PKP3: variants seen among roughly 807,000 people sequenced by gnomAD.
PKP3 encodes plakophilin-3.
In PKP3, 66 loss-of-function variants were observed where a neutral mutation model predicts 76.5. The observed-to-expected ratio is 0.86, with a 90% CI of 0.71 to 1.06. The LOEUF (loss-of-function observed/expected upper bound fraction) is 1.06, where lower values mean the gene tolerates loss of function less well. Ranked by LOEUF, PKP3 falls within the 50% of genes least tolerant of loss-of-function variation. The probability of loss-of-function intolerance (pLI) is 0.00; values close to 1 mark genes in which losing one functional copy is unlikely to be tolerated. For synonymous variants in PKP3, 638 were observed against 516.5 expected (o/e 1.24, Z -3.19); for missense variants, 1,338 against 1,141.0 (o/e 1.17, Z -2.49).
At position 397,235 on chromosome 11, in the gene PKP3, C is replaced by A. The variant is rs1384663499; in HGVS notation, c.734C>A (p.Ala245Asp). Reference protein sequence around the residue: ...TEVSPSRTIRAPAVRTLQRFQ... With the variant: ...TEVSPSRTIRDPAVRTLQRFQ... ...GTTTCCCCGAGCCGGACCATCCGTGCCCCTGCCGTGCGGACCCTGCAGCGA... is the reference window on the plus strand; with the variant it reads ...GTTTCCCCGAGCCGGACCATCCGTGACCCTGCCGTGCGGACCCTGCAGCGA... The change falls in exon 3 of 13, where the codon GCC (alanine) becomes GAC (aspartate). Residue 245 changes from alanine (A) to aspartate (D), a missense_variant. Transcript: ENST00000331563. 1 of 1,599,626 alleles carries A rather than the reference C, an allele frequency of 6.3e-7. No homozygotes were observed. The highest frequency in any genetic ancestry group is 8.5e-7 in the Non-Finnish European group (1 of 1,178,796).
chr11:403,314 A>AG (rs1847189259), intron 9 of PKP3, 51 bp downstream of exon 9: 15 of 1,090,902 alleles, frequency 1.4e-5, no homozygotes, highest in Admixed American at 5.1e-5. Flanking sequence ...CATGCGGTTG[A>AG]GGGGGGGACA....
chr11:403,067 G>T lies in PKP3; in HGVS notation c.1738-11G>T. 1 of 1,299,114 alleles carries T rather than the reference G, an allele frequency of 7.7e-7. No homozygotes were observed. The highest frequency in any genetic ancestry group is 9.9e-7 in the Non-Finnish European group (1 of 1,008,484). 80.5% of individuals were successfully genotyped at this position (1,299,114 alleles called of 1,614,324 possible). A position where few individuals can be genotyped will look rare whatever the true frequency, so the allele number is the denominator to read the frequency against. ...ACCCCGACCCCGCCGACTCCTCCCCGCCCTGCGCAGCTGCCCCTCGCCGCC... is the reference window on the plus strand; with the variant it reads ...ACCCCGACCCCGCCGACTCCTCCCCTCCCTGCGCAGCTGCCCCTCGCCGCC... On this transcript the variant is annotated splice_polypyrimidine_tract_variant and intron_variant, in intron 8 of 12. Transcript: ENST00000331563.
chr11:403,572 G>C (rs1847195055), intron 9 of PKP3, 46 bp from the exon 10 acceptor site: 1 of 1,573,216 alleles, frequency 6.4e-7, no homozygotes, highest in Non-Finnish European at 8.6e-7. Context: ...CCTCAGGTGA[G>C]GGTCTGAGGC....
Position 400,618 on chromosome 11 carries a change from G to A in PKP3, c.1650G>A (p.Leu550=). The A allele has an allele frequency of 2.1e-6, 3 of 1,429,028 alleles. No homozygotes were observed. The highest frequency in any genetic ancestry group is 2.7e-6 in the Non-Finnish European group (3 of 1,100,458). The allele number at this position is 1,429,028 out of a possible 1,614,324, so 88.5% of individuals were successfully genotyped here. A position where few individuals can be genotyped will look rare whatever the true frequency, so the allele number is the denominator to read the frequency against. The change falls in exon 8 of 13, where the codon CTG becomes CTA. Residue 550 remains leucine, a synonymous_variant. Transcript: ENST00000331563. ...TGCCGCCGTCCGCGCTGCAGCGGCT[G>A]GAGGGTCGCGGCCGCAGGGACCTGG... ...DEMPPSALQR[L]EGRGRRDLAG... is the part of the protein sequence containing the mutation.
chr11:399,589 T>A (rs1482779565), intron 5 of PKP3, among the ~76,000 whole-genome samples: 1 of 117,606 alleles, frequency 8.5e-6, no homozygotes, highest in Non-Finnish European at 1.7e-5. Flanking sequence ...CTGTCCTCTC[T>A]CCTCCGTTCT....
upstream of PKP3, chr11:393,995 G>T: frequency 2.7e-6 from 1 of 370,790 alleles, no homozygotes; most frequent in Non-Finnish European, 4.9e-6. Flanking sequence ...CCAGGTCCCC[G>T]TGGCCCTGTT....
At chr11:398,185 C>A (rs1399612091) in intron 4 of PKP3, among the ~76,000 whole-genome samples, 5 of 84,026 alleles carry the variant, frequency 6.0e-5, no homozygotes, top group Non-Finnish European at 1.2e-4. Flanking sequence ...CCTCCCTACC[C>A]CCACATATAC....
At position 394,223 on chromosome 11, in the gene PKP3, G is replaced by C; in HGVS notation, c.-70G>C. ...GCGGGGACTTCAGGGAGAGGGCCTC[G>C]AGGGACAGGACGTGAAGATAGTTGG... On this transcript the variant is annotated 5_prime_UTR_variant, in exon 1 of 13. Coordinates refer to ENST00000331563, the MANE Select transcript of PKP3 (RefSeq NM_007183.4). 7.1e-7 allele frequency: 1 copy of C among 1,410,990 alleles called. No individual in the cohort carries two copies. Among genetic ancestry groups the C allele is most frequent in the South Asian group, 1.5e-5 (1 of 67,488 alleles). The allele number at this position is 1,410,990 out of a possible 1,614,324, so 87.4% of individuals were successfully genotyped here.
intron 4 of PKP3, 102 bp downstream of exon 4, chr11:397,764 C>A: frequency 1.7e-6 from 2 of 1,211,622 alleles, no homozygotes; most frequent in Non-Finnish European, 2.3e-6. Context: ...TCATGATCCC[C>A]AAGCTGACTG....
Position 400,653 on chromosome 11 carries a change from C to T in PKP3, c.1685C>T (p.Pro562Leu). Residue 562 changes from proline to leucine, a missense_variant, in exon 8 of 13, where the codon CCG becomes CTG. Physicochemically the swap from Pro to Leu is moderately conservative, Grantham distance 98 (BLOSUM62 -3). Coordinates refer to ENST00000331563, the MANE Select transcript of PKP3 (RefSeq NM_007183.4). ...GGCCGCAGGGACCTGGCGGGGGCGCCGCCGGGAGAGGTCGTGGGCTGCTTC... is the reference window on the plus strand; with the variant it reads ...GGCCGCAGGGACCTGGCGGGGGCGCTGCCGGGAGAGGTCGTGGGCTGCTTC... ...GRGRRDLAGA[P>L]PGEVVGCFTP... is the part of the protein sequence containing the mutation. 2 of 1,361,480 alleles carry T rather than the reference C, an allele frequency of 1.5e-6. No homozygotes were observed. The highest frequency in any genetic ancestry group is 1.9e-6 in the Non-Finnish European group (2 of 1,063,360). The allele number at this position is 1,361,480 out of a possible 1,614,324, so 84.3% of individuals were successfully genotyped here. A position where few individuals can be genotyped will look rare whatever the true frequency, so the allele number is the denominator to read the frequency against.
chr11:404,586 G>C lies in PKP3; in HGVS notation c.*17G>C. Reference sequence around the variant, plus strand: ...GGCCCATAGGTGAAGCCTTCTGGAGGAGAAGGTGACGTGGCCCAGCGTCCA... The same window carrying C: ...GGCCCATAGGTGAAGCCTTCTGGAGCAGAAGGTGACGTGGCCCAGCGTCCA... On this transcript the variant is annotated 3_prime_UTR_variant, in exon 13 of 13. Coordinates refer to ENST00000331563, the MANE Select transcript of PKP3 (RefSeq NM_007183.4). The surrounding 1 kb of genome is among the most constrained non-coding windows in gnomAD (Gnocchi z 4.2). The C allele has an allele frequency of 6.2e-7, 1 of 1,611,522 alleles. No homozygotes were observed. Among genetic ancestry groups the C allele is most frequent in the Non-Finnish European group, 8.5e-7 (1 of 1,178,896 alleles).
rs375280122 is a variant in PKP3 at position 400,464 on chromosome 11, G to C, written c.1566+13G>C. On this transcript the variant is annotated intron_variant, in intron 7 of 12. Transcript: ENST00000331563. ...ATGCGAGGACAAGGTGAGGGGCGCGGTGTGGAGGAGGGGCCGTGCCCCCGG... is the reference window on the plus strand; with the variant it reads ...ATGCGAGGACAAGGTGAGGGGCGCGCTGTGGAGGAGGGGCCGTGCCCCCGG... 2.4e-4 allele frequency: 372 copies of C among 1,534,536 alleles called. 1 individual carries two copies. Among genetic ancestry groups the C allele is most frequent in the South Asian group, 2.2e-3 (182 of 83,176 alleles).
Position 400,593 on chromosome 11 carries a change from TGCC to T in PKP3, c.1630_1632del (p.Pro544del). On this transcript the variant is annotated inframe_deletion, in exon 8 of 13. Coordinates refer to ENST00000331563, the MANE Select transcript of PKP3 (RefSeq NM_007183.4). The stretch of plus-strand genomic sequence containing the variant: ...CTGTCCTACCGCCTCTACGACGAGA[TGCC>T]GCCGTCCGCGCTGCAGCGGCTGGAG... 1.4e-6 allele frequency: 2 copies of T among 1,469,896 alleles called. No homozygotes were observed. The highest frequency in any genetic ancestry group is 1.8e-6 in the Non-Finnish European group (2 of 1,120,258). The allele number at this position is 1,469,896 out of a possible 1,614,324, so 91.1% of individuals were successfully genotyped here. A position where few individuals can be genotyped will look rare whatever the true frequency, so the allele number is the denominator to read the frequency against.
rs1437986117 is a variant in PKP3 at position 404,107 on chromosome 11, C to T, written c.2242C>T (p.Leu748Phe). 6.2e-7 allele frequency: 1 copy of T among 1,611,318 alleles called. No individual in the cohort carries two copies. Among genetic ancestry groups the T allele is most frequent in the Non-Finnish European group, 8.5e-7 (1 of 1,179,034 alleles). The part of the protein sequence containing the change: ...DLLYFDGLRK[L>F]IFIKKKRDSP... ...GCTGTATTTTGACGGACTCCGAAAG[C>T]TCATCTTCATCAAGAAGAAGCGGGA... The change falls in exon 11 of 13, where the codon CTC becomes TTC. Residue 748 changes from leucine (L) to phenylalanine (F), a missense_variant. Coordinates refer to ENST00000331563, the MANE Select transcript of PKP3 (RefSeq NM_007183.4). The surrounding 1 kb of genome is among the most constrained non-coding windows in gnomAD (Gnocchi z 4.2).
At chr11:393,096 G>A (rs1356481010), upstream of PKP3, among the ~76,000 whole-genome samples, 3 of 151,658 alleles carry the variant, frequency 2.0e-5, no homozygotes, top group Non-Finnish European at 4.4e-5. Flanking sequence ...GCCCTCCTAG[G>A]CTTATCCCCA....
Position 399,211 on chromosome 11 carries a change from C to T in PKP3, c.1273+15C>T, listed in dbSNP as rs1847106235. Reference sequence around the variant, plus strand: ...AAATGTCACAGGTGCTGCCTGTCCCCTCCTCCACCTGTCCTTCCTCCACCT... The same window carrying T: ...AAATGTCACAGGTGCTGCCTGTCCCTTCCTCCACCTGTCCTTCCTCCACCT... On this transcript the variant is annotated intron_variant, in intron 5 of 12. Coordinates refer to ENST00000331563, the MANE Select transcript of PKP3 (RefSeq NM_007183.4). 1.3e-6 allele frequency: 2 copies of T among 1,523,264 alleles called. No individual in the cohort carries two copies. The highest frequency in any genetic ancestry group is 1.8e-6 in the Non-Finnish European group (2 of 1,126,232). 94.4% of individuals were successfully genotyped at this position (1,523,264 alleles called of 1,614,324 possible).
At position 396,924 on chromosome 11, in the gene PKP3, C is replaced by T. The variant is rs752138416; in HGVS notation, c.423C>T (p.Ser141=). 7.5e-6 allele frequency: 12 copies of T among 1,594,746 alleles called. No homozygotes were observed. The Admixed American group carries it at 1.0e-4, about 14-fold the overall frequency. The change falls in exon 3 of 13, where the codon AGC becomes AGT. Residue 141 remains serine (S), a synonymous_variant. Coordinates refer to ENST00000331563, the MANE Select transcript of PKP3 (RefSeq NM_007183.4). ...TGAGTTCAGCCCACAACGGGGGCAG[C>T]GCCTTTGGGGCCGCTGGGTACGGGG... ...RRLSSAHNGG[S]AFGAAGYGGA... is the part of the protein sequence containing the mutation.
chr11:404,248 G>GA lies in PKP3; in HGVS notation c.2285dup (p.Ser763ValfsTer21). ...CCTCCACCCTCAGCCCCGACAGTGAGAAGTCCTCCCGGGCAGCATCCAGCC... is the reference window on the plus strand; with the variant it reads ...CCTCCACCCTCAGCCCCGACAGTGAGAAAGTCCTCCCGGGCAGCATCCAGCC... On this transcript the variant is annotated frameshift_variant, in exon 12 of 13. Transcript: ENST00000331563. LOFTEE classifies it high-confidence loss of function. This position sits in a 1 kb window ranked among gnomAD's most constrained non-coding sequence, Gnocchi z 4.2. 6.2e-7 allele frequency: 1 copy of GA among 1,612,652 alleles called. No individual in the cohort carries two copies. Among genetic ancestry groups the GA allele is most frequent in the Non-Finnish European group, 8.5e-7 (1 of 1,179,868 alleles).
Position 400,457 on chromosome 11 carries a change from G to T in PKP3, c.1566+6G>T. 6.5e-7 allele frequency: 1 copy of T among 1,541,022 alleles called. No individual in the cohort carries two copies. The highest frequency in any genetic ancestry group is 8.7e-7 in the Non-Finnish European group (1 of 1,142,948). On this transcript the variant is annotated splice_donor_region_variant and intron_variant, in intron 7 of 12. Coordinates refer to ENST00000331563, the MANE Select transcript of PKP3 (RefSeq NM_007183.4). ...CGGGCAAATGCGAGGACAAGGTGAG[G>T]GGCGCGGTGTGGAGGAGGGGCCGTG... is the stretch of plus-strand genomic sequence containing the variant.
Sources: gnomAD v4.1 joint callset for allele counts (sites outside exome capture counted in the v4.1 genomes callset) on GRCh38, gnomAD v4.1.1 for gene constraint, Gnocchi (gnomAD v3.1) non-coding constraint, MANE v1.5 for transcripts, NCBI Gene and HGNC (gene_info 2026-07-23, HGNC 2026-07-21) for gene names.